The following SHISA9 variants were observed in gnomAD, a reference collection of about 807,000 sequenced individuals.
SHISA9 encodes the protein shisa family member 9, also known as protein shisa-9.
A neutral mutation model predicts 38.0 loss-of-function variants in SHISA9; 13 were observed. The observed-to-expected ratio is 0.34, with a 90% CI of 0.22 to 0.54. SHISA9 has a LOEUF of 0.54. Ranked by LOEUF, SHISA9 falls within the 20% of genes least tolerant of loss-of-function variation. SHISA9 has a pLI of 0.91. For missense variants in SHISA9, 538 were observed against 575.8 expected (o/e 0.93, Z 0.67); for synonymous variants, 275 against 242.0 (o/e 1.14, Z -1.27).
At chr16:13,019,906 TC>T (rs1370503618) in intron 2 of SHISA9, among the ~76,000 whole-genome samples, 2 of 59,612 alleles carry the variant, frequency 3.4e-5, no homozygotes, top group African/African-American at 1.0e-4. Context: ...TTTCTTTCTT[TC>T]TTTCTTTCTT....
intron 2 of SHISA9, among the ~76,000 whole-genome samples, chr16:12,986,611 A>T (rs1002309174): frequency 6.6e-6 from 1 of 152,148 alleles, no homozygotes; most frequent in South Asian, 2.1e-4. Flanking sequence ...CACGGGGAAG[A>T]TCCCACCCTC....
intron 2 of SHISA9, among the ~76,000 whole-genome samples, chr16:13,082,076 T>TACA (rs948245221): frequency 6.6e-6 from 1 of 152,108 alleles, no homozygotes; most frequent in South Asian, 2.1e-4. Flanking sequence ...CAACAACGAC[T>TACA]ACAACAACAA....
At chr16:13,326,031 A>G in the SHISA9 span, among the ~76,000 whole-genome samples, 2 of 151,356 alleles carry the variant, frequency 1.3e-5, no homozygotes, top group Non-Finnish European at 2.9e-5. Context: ...ACAAACCTGC[A>G]CGTTCTGCAC....
chr16:13,362,478 G>C, the SHISA9 span, among the ~76,000 whole-genome samples: 1 of 152,080 alleles, frequency 6.6e-6, no homozygotes, highest in South Asian at 2.1e-4. Flanking sequence ...AAAACGTGGT[G>C]ATGGCAAAGA....
intron 2 of SHISA9, among the ~76,000 whole-genome samples, chr16:13,159,792 C>G (rs1266672048): frequency 6.6e-6 from 1 of 152,206 alleles, no homozygotes; most frequent in African/African-American, 2.4e-5. Flanking sequence ...TTGGGTGAAG[C>G]TGTCCATGAT....
chr16:13,223,472 A>C (rs1336710747), intron 4 of SHISA9, among the ~76,000 whole-genome samples: 2 of 152,090 alleles, frequency 1.3e-5, no homozygotes, highest in African/African-American at 4.8e-5. Flanking sequence ...GGTGCATTGA[A>C]TCCTTCAAAC....
the SHISA9 span, among the ~76,000 whole-genome samples, chr16:13,466,544 A>G: frequency 6.6e-6 from 1 of 152,204 alleles, no homozygotes; most frequent in Non-Finnish European, 1.5e-5. Flanking sequence ...GGGCAAAGGA[A>G]ATACAGAATG....
At chr16:12,997,779 A>G (rs924329258) in intron 2 of SHISA9, among the ~76,000 whole-genome samples, 1 of 152,150 alleles carries the variant, frequency 6.6e-6, no homozygotes, top group East Asian at 1.9e-4. Context: ...GGTTTTTGCC[A>G]AATATCCTTC....
At chr16:13,077,343 A>G (rs1239327176) in intron 2 of SHISA9, among the ~76,000 whole-genome samples, 1 of 151,886 alleles carries the variant, frequency 6.6e-6, no homozygotes, top group Non-Finnish European at 1.5e-5. Flanking sequence ...TGGCAAGCTC[A>G]ACACCCCCAC....
chr16:13,409,607 T>C, the SHISA9 span, among the ~76,000 whole-genome samples: 1 of 152,210 alleles, frequency 6.6e-6, no homozygotes, highest in African/African-American at 2.4e-5. Context: ...GGGCAGCTTA[T>C]AGTGACTTAA....
chr16:13,070,727 G>A (rs2030753347), intron 2 of SHISA9, among the ~76,000 whole-genome samples: 1 of 152,202 alleles, frequency 6.6e-6, no homozygotes, highest in Admixed American at 6.5e-5. Flanking sequence ...AACCTATGCA[G>A]TTGGTGTTAT....
At chr16:13,275,352 G>A in the SHISA9 span, among the ~76,000 whole-genome samples, 1 of 151,920 alleles carries the variant, frequency 6.6e-6, no homozygotes, top group East Asian at 1.9e-4. Flanking sequence ...TTGCTTTATT[G>A]TTTTAGTAAT....
At chr16:13,313,266 A>AC in the SHISA9 span, among the ~76,000 whole-genome samples, 1 of 151,548 alleles carries the variant, frequency 6.6e-6, no homozygotes, top group Non-Finnish European at 1.5e-5. Context: ...AAAAAAAAAA[A>AC]AAAAAACCCA....
intron 2 of SHISA9, among the ~76,000 whole-genome samples, chr16:13,042,114 A>T (rs890113186): frequency 1.3e-5 from 2 of 152,196 alleles, no homozygotes; most frequent in African/African-American, 2.4e-5. Flanking sequence ...GTATTGTAAT[A>T]ACTGGGATTA....
At chr16:13,452,404 C>T in the SHISA9 span, among the ~76,000 whole-genome samples, 7 of 152,146 alleles carry the variant, frequency 4.6e-5, no homozygotes, top group African/African-American at 7.2e-5. Context: ...TTTGTTGCCA[C>T]GGTCCATATA....
chr16:12,966,632 A>C (rs2071982110), intron 2 of SHISA9, among the ~76,000 whole-genome samples: 1 of 152,178 alleles, frequency 6.6e-6, no homozygotes, highest in African/African-American at 2.4e-5. Context: ...GCCAAGGTAC[A>C]AAATATCCCT....
the SHISA9 span, among the ~76,000 whole-genome samples, chr16:13,310,706 A>G: frequency 4.5e-5 from 6 of 133,386 alleles, no homozygotes; most frequent in Non-Finnish European, 9.3e-5. Context: ...TTTTTTTGAG[A>G]CGGAGTCTTG....
chr16:13,117,318 C>T (rs1343642066), intron 2 of SHISA9, among the ~76,000 whole-genome samples: 1 of 151,784 alleles, frequency 6.6e-6, no homozygotes, highest in Non-Finnish European at 1.5e-5. Context: ...GTTTCTGCAT[C>T]TGTAAAGTGA....
intron 2 of SHISA9, among the ~76,000 whole-genome samples, chr16:12,999,433 C>A (rs184511599): frequency 7.9e-4 from 121 of 152,272 alleles, no homozygotes; most frequent in African/African-American, 2.7e-3. Context: ...TCTGAAAACA[C>A]ATGAGTATTG....
Sources: gnomAD v4.1 joint callset for allele counts (sites outside exome capture counted in the v4.1 genomes callset) on GRCh38, gnomAD v4.1.1 for gene constraint, MANE v1.5 for transcripts, NCBI Gene and HGNC (gene_info 2026-07-23, HGNC 2026-07-21) for gene names.